PRKD1: variants seen among roughly 807,000 people sequenced by gnomAD.
PRKD1 encodes protein kinase D1.
A neutral mutation model predicts 95.9 loss-of-function variants in PRKD1; 63 were observed. The observed-to-expected ratio is 0.66, with a 90% CI of 0.54 to 0.81. The LOEUF (loss-of-function observed/expected upper bound fraction) is 0.81, where lower values mean the gene tolerates loss of function less well. Ranked by LOEUF, PRKD1 falls within the 30% of genes least tolerant of loss-of-function variation. The pLI is 0.00. For synonymous variants in PRKD1, 425 were observed against 423.1 expected (o/e 1.00, Z -0.05); for missense variants, 1,048 against 1,165.3 (o/e 0.90, Z 1.47).
intron 2 of PRKD1, among the ~76,000 whole-genome samples, chr14:29,679,186 C>A (rs764549149): frequency 6.6e-6 from 1 of 152,074 alleles, no homozygotes; most frequent in Non-Finnish European, 1.5e-5. Context: ...TGATAATAAG[C>A]AAAGAATAGA....
chr14:29,610,187 T>G (rs987640388), intron 13 of PRKD1, among the ~76,000 whole-genome samples: 1 of 152,020 alleles, frequency 6.6e-6, no homozygotes, highest in Admixed American at 6.6e-5. Flanking sequence ...GAATGGAAAA[T>G]TTTAAAAACA....
At chr14:29,884,776 A>T (rs1442880170) in intron 1 of PRKD1, among the ~76,000 whole-genome samples, 4 of 152,244 alleles carry the variant, frequency 2.6e-5, no homozygotes, top group Admixed American at 2.6e-4. Flanking sequence ...CAAGCAGCGA[A>T]TTCTTCCCTG....
chr14:29,761,101 C>G (rs963102749), intron 1 of PRKD1, among the ~76,000 whole-genome samples: 2 of 152,170 alleles, frequency 1.3e-5, no homozygotes, highest in African/African-American at 4.8e-5. Flanking sequence ...CCACTGCACT[C>G]AGCTAATTTT....
At chr14:29,916,730 A>C (rs1400654286) in intron 1 of PRKD1, among the ~76,000 whole-genome samples, 3 of 152,196 alleles carry the variant, frequency 2.0e-5, no homozygotes, top group African/African-American at 7.2e-5. Context: ...TTTGCACCAC[A>C]GAACTATATA....
At chr14:29,875,141 C>A (rs1893241366) in intron 1 of PRKD1, among the ~76,000 whole-genome samples, 1 of 152,114 alleles carries the variant, frequency 6.6e-6, no homozygotes, top group South Asian at 2.1e-4. Flanking sequence ...AGAGATGCAA[C>A]ACACCTATCT....
intron 1 of PRKD1, among the ~76,000 whole-genome samples, chr14:29,841,964 T>A (rs1168856240): frequency 6.6e-6 from 1 of 152,100 alleles, no homozygotes; most frequent in Non-Finnish European, 1.5e-5. Flanking sequence ...CTTTTAAAAT[T>A]TTTTGTTAAA....
chr14:29,783,658 C>T (rs1430805454), intron 1 of PRKD1, among the ~76,000 whole-genome samples: 4 of 152,068 alleles, frequency 2.6e-5, no homozygotes, highest in South Asian at 2.1e-4. Flanking sequence ...CTTGCCAGCA[C>T]GCTATTTTTT....
At chr14:29,807,569 G>T (rs1007513561) in intron 1 of PRKD1, among the ~76,000 whole-genome samples, 7 of 151,722 alleles carry the variant, frequency 4.6e-5, no homozygotes, top group African/African-American at 1.7e-4. Flanking sequence ...GCTAATTTTT[G>T]TATTTTTTTC....
chr14:29,664,918 A>G (rs1237435785), intron 3 of PRKD1, among the ~76,000 whole-genome samples: 1 of 152,222 alleles, frequency 6.6e-6, no homozygotes, highest in African/African-American at 2.4e-5. Context: ...GCTCATTTCA[A>G]CAAATGTGTA....
chr14:29,859,191 G>A (rs1892614370), intron 1 of PRKD1, among the ~76,000 whole-genome samples: 1 of 152,196 alleles, frequency 6.6e-6, no homozygotes, highest in South Asian at 2.1e-4. Context: ...CTGACAGTAA[G>A]CTGGGCGCCG....
At chr14:29,882,336 T>C (rs1893542255) in intron 1 of PRKD1, among the ~76,000 whole-genome samples, 2 of 152,226 alleles carry the variant, frequency 1.3e-5, no homozygotes, top group African/African-American at 4.8e-5. Flanking sequence ...TGTTGTCTAA[T>C]ATATTTCCAG....
intron 1 of PRKD1, among the ~76,000 whole-genome samples, chr14:29,921,655 A>C (rs773031758): frequency 6.6e-6 from 1 of 152,194 alleles, no homozygotes; most frequent in Non-Finnish European, 1.5e-5. Context: ...CAATCATCTC[A>C]CAAAAAAAGG....
chr14:29,666,149 T>C lies in PRKD1; in HGVS notation c.463A>G (p.Arg155Gly). ...RPHALFVHSY[R>G]APAFCDHCGE... ...CAGTGATCACAGAAAGCTGGAGCTC[T>C]GTATGAATGAACAAAGAGAGCGTGG... The change falls in exon 3 of 18, where the codon AGA becomes GGA. Residue 155 changes from arginine (R) to glycine (G), a missense_variant. Transcript: ENST00000331968. The C allele has an allele frequency of 6.2e-7, 1 of 1,608,982 alleles. No homozygotes were observed. Among genetic ancestry groups the C allele is most frequent in the Non-Finnish European group, 8.5e-7 (1 of 1,176,426 alleles).
intron 1 of PRKD1, among the ~76,000 whole-genome samples, chr14:29,922,314 A>G (rs1895146844): frequency 6.6e-6 from 1 of 151,270 alleles, no homozygotes; most frequent in Admixed American, 6.6e-5. Flanking sequence ...AAAAAAAAAA[A>G]AGAAAAAGTA....
At chr14:29,851,845 A>G (rs1178804000) in intron 1 of PRKD1, among the ~76,000 whole-genome samples, 1 of 152,134 alleles carries the variant, frequency 6.6e-6, no homozygotes, top group Admixed American at 6.6e-5. Context: ...ACCCTTCAAC[A>G]GTGGACTGGA....
At chr14:29,647,834 C>G (rs567355055) in intron 4 of PRKD1, among the ~76,000 whole-genome samples, 1 of 152,078 alleles carries the variant, frequency 6.6e-6, no homozygotes, top group African/African-American at 2.4e-5. Context: ...GCAGACGTGT[C>G]CTGAAAGACT....
intron 12 of PRKD1, 21 bp from the exon 13 acceptor site, chr14:29,624,279 G>A: frequency 6.5e-7 from 1 of 1,533,188 alleles, no homozygotes; most frequent in South Asian, 1.2e-5. Context: ...AAAAAGGGAA[G>A]CATTAGTAAG....
chr14:29,694,052 T>A (rs1884387578), intron 2 of PRKD1, among the ~76,000 whole-genome samples: 1 of 152,146 alleles, frequency 6.6e-6, no homozygotes, highest in Non-Finnish European at 1.5e-5. Flanking sequence ...CCTTCTACAA[T>A]CTGAATCTCT....
At chr14:29,637,748 A>G (rs140681268) in intron 6 of PRKD1, among the ~76,000 whole-genome samples, 1 of 152,320 alleles carries the variant, frequency 6.6e-6, no homozygotes, top group African/African-American at 2.4e-5. Context: ...TCTAGAGAAG[A>G]AAGTTCTAGA....
Sources: allele counts gnomAD v4.1 joint callset (sites outside exome capture counted in the v4.1 genomes callset), GRCh38; gene constraint gnomAD v4.1.1; transcripts MANE v1.5; gene names NCBI Gene and HGNC (gene_info 2026-07-23, HGNC 2026-07-21).